The following TLE1 variants were observed in gnomAD, a reference collection of about 807,000 sequenced individuals.
TLE1 encodes the protein TLE family member 1, transcriptional corepressor.
Under a neutral mutation model 89.8 loss-of-function variants are expected in TLE1, and 21 were observed. That is an observed-to-expected ratio of 0.23 (90% CI 0.17 to 0.34). The LOEUF (loss-of-function observed/expected upper bound fraction) is 0.34. Among genes scored for constraint, TLE1 ranks in the 10% least tolerant of loss-of-function variants. TLE1 has a pLI of 1.00. For synonymous variants in TLE1, 447 were observed against 407.6 expected, an observed-to-expected ratio of 1.10 and a Z score of -1.16; for missense variants, 795 against 1,031.2, an observed-to-expected ratio of 0.77 and a Z score of 3.14.
intron 6 of TLE1, among the ~76,000 whole-genome samples, chr9:81,648,756 G>A (rs1829180970): frequency 1.3e-5 from 2 of 152,088 alleles, no homozygotes; most frequent in Non-Finnish European, 1.5e-5. Flanking sequence ...CCACAAATAA[G>A]ATGTTACAAC....
At chr9:81,626,144 A>C (rs189485269) in intron 8 of TLE1, among the ~76,000 whole-genome samples, 1 of 152,140 alleles carries the variant, frequency 6.6e-6, no homozygotes, top group Non-Finnish European at 1.5e-5. Flanking sequence ...ATTCAAATGG[A>C]TTTCTTTAGC....
intron 6 of TLE1, among the ~76,000 whole-genome samples, chr9:81,648,111 A>T (rs1038884622): frequency 2.6e-5 from 4 of 151,946 alleles, no homozygotes; most frequent in African/African-American, 9.7e-5. Context: ...GTCTCTACTA[A>T]AAATACAAAA....
intron 4 of TLE1, among the ~76,000 whole-genome samples, chr9:81,681,137 C>T (rs889935733): frequency 3.3e-5 from 5 of 152,132 alleles, no homozygotes; most frequent in Non-Finnish European, 7.4e-5. Context: ...ATTTACATGG[C>T]CTGAGATGTT....
At chr9:81,667,250 A>T (rs559243664) in intron 4 of TLE1, among the ~76,000 whole-genome samples, 1 of 152,170 alleles carries the variant, frequency 6.6e-6, no homozygotes, top group Non-Finnish European at 1.5e-5. Context: ...TACAAAAATT[A>T]GCTGGGTGTA....
chr9:81,688,028 G>A (rs1184041886), intron 1 of TLE1, among the ~76,000 whole-genome samples, 189 bp downstream of exon 1: 3 of 152,036 alleles, frequency 2.0e-5, no homozygotes, highest in Admixed American at 1.3e-4. Flanking sequence ...GAGCCCAAAG[G>A]GAGGGAGAAA....
intron 4 of TLE1, among the ~76,000 whole-genome samples, chr9:81,662,849 TTTG>T (rs1421068533): frequency 2.6e-5 from 4 of 151,956 alleles, no homozygotes; most frequent in Non-Finnish European, 2.9e-5. Flanking sequence ...TTTAAATGTT[TTTG>T]TTGTTGTTGT....
At chr9:81,588,851 T>G (rs946245869) in intron 16 of TLE1, among the ~76,000 whole-genome samples, 1 of 152,200 alleles carries the variant, frequency 6.6e-6, no homozygotes, top group African/African-American at 2.4e-5. Flanking sequence ...ACCATGCTGC[T>G]TCTTCCTCCA....
intron 8 of TLE1, among the ~76,000 whole-genome samples, chr9:81,626,652 C>T (rs1825942222): frequency 6.6e-6 from 1 of 152,158 alleles, no homozygotes. Flanking sequence ...CAGTGCATTC[C>T]TGCAACTCGA....
chr9:81,680,084 G>C (rs571923079), intron 4 of TLE1, among the ~76,000 whole-genome samples: 1 of 152,324 alleles, frequency 6.6e-6, no homozygotes, highest in African/African-American at 2.4e-5. Context: ...GCACGCACGA[G>C]GTGCTGGGTT....
intron 18 of TLE1, among the ~76,000 whole-genome samples, chr9:81,584,789 A>C (rs972797116): frequency 2.0e-5 from 3 of 152,140 alleles, no homozygotes; most frequent in Non-Finnish European, 4.4e-5. Context: ...TAACCCTCAA[A>C]TATAGAAATC....
intron 6 of TLE1, among the ~76,000 whole-genome samples, chr9:81,640,055 G>C (rs1342427811): frequency 1.3e-5 from 2 of 152,070 alleles, no homozygotes; most frequent in African/African-American, 4.8e-5. Flanking sequence ...GGAGGGAAAA[G>C]AATGCTACTG....
At chr9:81,598,195 A>ACAC (rs2131899304) in intron 14 of TLE1, among the ~76,000 whole-genome samples, 1 of 152,300 alleles carries the variant, frequency 6.6e-6, no homozygotes, top group African/African-American at 2.4e-5. Flanking sequence ...GCCCTTTACA[A>ACAC]TTTAGTGCCA....
intron 4 of TLE1, among the ~76,000 whole-genome samples, chr9:81,656,839 C>A (rs139251920): frequency 6.6e-6 from 1 of 152,186 alleles, no homozygotes; most frequent in African/African-American, 2.4e-5. Context: ...CTGTCAAATA[C>A]GCCTCCACAC....
chr9:81,606,036 G>A (rs1831608845), intron 14 of TLE1, among the ~76,000 whole-genome samples: 1 of 152,152 alleles, frequency 6.6e-6, no homozygotes, highest in African/African-American at 2.4e-5. Flanking sequence ...ATCATCACTG[G>A]CCATCAGAGA....
chr9:81,615,886 G>A lies in TLE1; in HGVS notation c.918+96C>T, dbSNP rs1012896727. On this transcript the variant is annotated intron_variant, in intron 11 of 19. Transcript: ENST00000376499. ...AAACTCTTAAAAATACAACCCTCAA[G>A]CAGCAAAACCCCCACATTTCCAATA... The A allele has an allele frequency of 2.0e-6, 3 of 1,475,294 alleles. No individual in the cohort carries two copies. In the Admixed American group the frequency reaches 6.1e-5, roughly 30 times the overall value. The allele number at this position is 1,475,294 out of a possible 1,614,324, so 91.4% of individuals were successfully genotyped here.
intron 4 of TLE1, among the ~76,000 whole-genome samples, chr9:81,656,508 G>T (rs1224075344): frequency 6.6e-6 from 1 of 152,136 alleles, no homozygotes; most frequent in Non-Finnish European, 1.5e-5. Flanking sequence ...AAATATAAAA[G>T]AAAGTTAAAA....
chr9:81,604,461 T>C lies in TLE1; in HGVS notation c.1331+5759A>G, dbSNP rs191590610. Among the ~76,000 whole-genome samples, 492 of 152,202 alleles carry C rather than the reference T, an allele frequency of 3.2e-3. 1 individual carries two copies. Among genetic ancestry groups the C allele is most frequent in the African/African-American group, 0.011 (457 of 41,536 alleles). On this transcript the variant is annotated intron_variant, in intron 14 of 19. Coordinates refer to ENST00000376499, the MANE Select transcript of TLE1 (RefSeq NM_005077.5). The stretch of plus-strand genomic sequence containing the variant: ...CACTGAAGAGCTGCCATGAGGATGA[T>C]AGATTAGCAGTGTGCTGTGTGGTCT...
At chr9:81,587,621 G>C in intron 17 of TLE1, 60 bp downstream of exon 17, 1 of 1,536,398 alleles carries the variant, frequency 6.5e-7, no homozygotes, top group Non-Finnish European at 8.8e-7. Context: ...GGGTTGTGAG[G>C]AGGAAGACAC....
intron 14 of TLE1, among the ~76,000 whole-genome samples, chr9:81,609,227 G>A (rs540141533): frequency 6.6e-6 from 1 of 152,190 alleles, no homozygotes; most frequent in Non-Finnish European, 1.5e-5. Context: ...TGGGATTACA[G>A]GCACATACCA....
Sources: allele counts gnomAD v4.1 joint callset (sites outside exome capture counted in the v4.1 genomes callset), GRCh38; gene constraint gnomAD v4.1.1; transcripts MANE v1.5; gene names NCBI Gene and HGNC (gene_info 2026-07-23, HGNC 2026-07-21).